SIK3: variants seen among roughly 807,000 people sequenced by gnomAD.
SIK3 encodes SIK family kinase 3.
In SIK3, 28 loss-of-function variants were observed where a neutral mutation model predicts 144.2. The ratio of observed to expected loss-of-function variants is 0.19; its 90% confidence interval spans 0.14 to 0.27. The LOEUF is 0.27. SIK3 is among the 10% of genes least tolerant of loss of function. The pLI, the probability that SIK3 is intolerant of heterozygous loss-of-function variation, is 1.00. For synonymous variants in SIK3, 686 were observed against 676.3 expected (o/e 1.01, Z -0.22); for missense variants, 1,319 against 1,776.0 (o/e 0.74, Z 4.62).
chr11:116,978,655 C>T (rs1275765054), intron 1 of SIK3, among the ~76,000 whole-genome samples: 1 of 151,804 alleles, frequency 6.6e-6, no homozygotes, highest in East Asian at 1.9e-4. Context: ...GGGTACACAC[C>T]ACCATGCCCA....
chr11:116,940,789 T>TA (rs532039684), intron 3 of SIK3, among the ~76,000 whole-genome samples: 5,200 of 137,182 alleles, frequency 0.038, 153 homozygotes, highest in South Asian at 0.11. Flanking sequence ...GTGGGGGCAT[T>TA]AAAAAAAAAA....
chr11:116,988,874 T>C (rs1950409247), intron 1 of SIK3, among the ~76,000 whole-genome samples: 1 of 150,860 alleles, frequency 6.6e-6, no homozygotes, highest in South Asian at 2.1e-4. Flanking sequence ...GTACAAAACT[T>C]CACTGAAAAA....
chr11:117,035,258 G>A lies in SIK3; in HGVS notation c.273+62885C>T, dbSNP rs147518949. ...CTGAGTGAATAAAAGGCAGAGATAG[G>A]CAATGAGGAAATGAGGAATTTTTTA... On this transcript the variant is annotated intron_variant, in intron 1 of 24. Coordinates refer to ENST00000445177, the MANE Select transcript of SIK3 (RefSeq NM_001366686.3). Among the ~76,000 whole-genome samples, 141 of 152,234 alleles carry A rather than the reference G, an allele frequency of 9.3e-4. No homozygotes were observed. In the East Asian group the frequency reaches 0.021, roughly 23 times the overall value.
chr11:116,926,413 C>A lies in SIK3; in HGVS notation c.616+806G>T, dbSNP rs1325916552. On this transcript the variant is annotated intron_variant, in intron 4 of 24. Coordinates refer to ENST00000445177, the MANE Select transcript of SIK3 (RefSeq NM_001366686.3). ...AAGGCAGTGAAAAGTGCTCTCAAGG[C>A]ACTGTCAGATAAGCAGACTAGTAAA... is the stretch of plus-strand genomic sequence containing the variant. 5.3e-5 allele frequency among the ~76,000 whole-genome samples: 8 copies of A among 152,244 alleles called. No homozygotes were observed. The East Asian group carries it at 1.5e-3, about 29-fold the overall frequency.
rs1290973968 is a variant in SIK3 at position 116,862,185 on chromosome 11, A to G, written c.2229+17T>C. ...AAACTCCAAACAAGTTGGAGAAAGC[A>G]AAGAGTGAGGGCCTACTTGAATTTG... On this transcript the variant is annotated intron_variant, in intron 17 of 24. Transcript: ENST00000445177. The G allele has an allele frequency of 6.2e-7, 1 of 1,614,220 alleles. No homozygotes were observed. The highest frequency in any genetic ancestry group is 1.7e-5 in the Admixed American group (1 of 60,028).
intron 1 of SIK3, among the ~76,000 whole-genome samples, chr11:117,013,579 C>T (rs1313381325): frequency 6.6e-6 from 1 of 151,990 alleles, no homozygotes; most frequent in East Asian, 1.9e-4. Flanking sequence ...TAAATCAAAG[C>T]TGTTAAACTC....
chr11:116,880,597 A>G (rs373013134), intron 6 of SIK3, among the ~76,000 whole-genome samples: 2 of 152,328 alleles, frequency 1.3e-5, no homozygotes, highest in East Asian at 1.9e-4. Context: ...TCATCAATTC[A>G]TATTTCCTAA....
intron 1 of SIK3, among the ~76,000 whole-genome samples, chr11:117,093,741 GC>G (rs1955348490): frequency 6.6e-6 from 1 of 151,530 alleles, no homozygotes; most frequent in Non-Finnish European, 1.5e-5. Flanking sequence ...AGATTAGCCA[GC>G]CTGTACCCTA....
intron 24 of SIK3, 103 bp from the exon 25 acceptor site, chr11:116,845,732 G>A (rs1310156629): frequency 6.6e-6 from 1 of 152,214 alleles, no homozygotes; most frequent in Non-Finnish European, 1.5e-5. Flanking sequence ...CTTTCCCTCA[G>A]GTGTTCAGGT....
chr11:116,932,421 T>C (rs758711851), intron 3 of SIK3, among the ~76,000 whole-genome samples: 2 of 152,346 alleles, frequency 1.3e-5, no homozygotes, highest in Middle Eastern at 3.4e-3. Flanking sequence ...ATGGGTACAA[T>C]GCGTATGTAT....
intron 1 of SIK3, among the ~76,000 whole-genome samples, chr11:117,085,036 ATGTT>A (rs886993177): frequency 2.7e-5 from 4 of 146,896 alleles, no homozygotes; most frequent in Non-Finnish European, 4.5e-5. Context: ...AAAAACATTA[ATGTT>A]TGTTAACATA....
intron 1 of SIK3, among the ~76,000 whole-genome samples, chr11:116,972,858 C>T (rs1393645492): frequency 1.3e-5 from 2 of 152,082 alleles, no homozygotes; most frequent in Non-Finnish European, 2.9e-5. Flanking sequence ...ATGTAATATC[C>T]TCCCTTTCTT....
At chr11:117,081,196 T>C (rs879633546) in intron 1 of SIK3, among the ~76,000 whole-genome samples, 9 of 152,144 alleles carry the variant, frequency 5.9e-5, no homozygotes, top group Non-Finnish European at 8.8e-5. Flanking sequence ...AAAAATCTGG[T>C]TATAAATAGT....
intron 1 of SIK3, among the ~76,000 whole-genome samples, chr11:117,030,542 C>CA (rs1305572725): frequency 1.3e-5 from 2 of 151,724 alleles, no homozygotes; most frequent in African/African-American, 4.8e-5. Flanking sequence ...ATGCAGAGGG[C>CA]AAAAAAATGT....
At position 116,859,474 on chromosome 11, in the gene SIK3, T is replaced by C. The variant is rs768619965; in HGVS notation, c.2556A>G (p.Ser852=). Residue 852 remains serine, a synonymous_variant, in exon 20 of 25, where the codon TCA becomes TCG. Coordinates refer to ENST00000445177, the MANE Select transcript of SIK3 (RefSeq NM_001366686.3). ...CTTGGACTTGGATGGTGACCTGCTG[T>C]GACTGAGCAGGCTGCTGCATACCCA... is the stretch of plus-strand genomic sequence containing the variant. ...TCLGMQQPAQ[S]QQVTIQVQEP... 7.4e-6 allele frequency: 12 copies of C among 1,614,044 alleles called. No individual in the cohort carries two copies. The highest frequency in any genetic ancestry group is 1.0e-5 in the Non-Finnish European group (12 of 1,180,034).
chr11:116,957,437 T>TA (rs1237063834), intron 1 of SIK3, among the ~76,000 whole-genome samples: 2 of 152,106 alleles, frequency 1.3e-5, no homozygotes, highest in East Asian at 3.8e-4. Flanking sequence ...TTAAATAAAA[T>TA]AAAAAATTTT....
At position 116,927,289 on chromosome 11, in the gene SIK3, C is replaced by A; in HGVS notation, c.546G>T (p.Arg182=). 1 of 1,613,978 alleles carries A rather than the reference C, an allele frequency of 6.2e-7. No homozygotes were observed. The change falls in exon 4 of 25, where the codon CGG becomes CGT. Residue 182 remains arginine (R), a synonymous_variant. Transcript: ENST00000445177. ...CTTTTAAATCACGATGAACAATGTT[C>A]CGACAGTGACAAAAATAGACAGCTG... The part of the protein sequence containing the change: ...IVTAVYFCHC[R]NIVHRDLKAE...
chr11:116,863,831 G>A lies in SIK3; in HGVS notation c.1953-13C>T. On this transcript the variant is annotated splice_polypyrimidine_tract_variant and intron_variant, in intron 15 of 24. Coordinates refer to ENST00000445177, the MANE Select transcript of SIK3 (RefSeq NM_001366686.3). ...CTTGTAGGTAGAGCTGAATATATGG[G>A]AAGAGAAGGTTAGAGGCTAGGACTC... 1 of 1,588,986 alleles carries A rather than the reference G, an allele frequency of 6.3e-7. No individual in the cohort carries two copies. Among genetic ancestry groups the A allele is most frequent in the Admixed American group, 1.7e-5 (1 of 57,542 alleles).
At position 116,846,094 on chromosome 11, in the gene SIK3, G is replaced by A. The variant is rs1340679535; in HGVS notation, c.*13+289C>T. 1.3e-5 allele frequency among the ~76,000 whole-genome samples: 2 copies of A among 152,192 alleles called. No individual in the cohort carries two copies. Among genetic ancestry groups the A allele is most frequent in the African/African-American group, 2.4e-5 (1 of 41,436 alleles). ...TCTGGAGCCGTAGCTCACTTCTGTC[G>A]CTATGAAGGCTAGAGCACCTGTAAC... On this transcript the variant is annotated intron_variant, in intron 24 of 24. Transcript: ENST00000445177. This position sits in a 1 kb window ranked among gnomAD's most constrained non-coding sequence, Gnocchi z 4.1.
Sources: gnomAD v4.1 joint callset for allele counts (sites outside exome capture counted in the v4.1 genomes callset) on GRCh38, gnomAD v4.1.1 for gene constraint, Gnocchi (gnomAD v3.1) non-coding constraint, MANE v1.5 for transcripts, NCBI Gene and HGNC (gene_info 2026-07-23, HGNC 2026-07-21) for gene names.